FGF17: variants seen among roughly 807,000 people sequenced by gnomAD.
FGF17 encodes fibroblast growth factor 17.
A neutral mutation model predicts 23.5 loss-of-function variants in FGF17; 5 were observed. That is an observed-to-expected ratio of 0.21 (90% confidence interval 0.11 to 0.45). The LOEUF (loss-of-function observed/expected upper bound fraction) is 0.45. Ranked by LOEUF, FGF17 falls within the 20% of genes least tolerant of loss-of-function variation. FGF17 has a pLI of 0.99. For missense variants in FGF17, 221 were observed against 306.9 expected (o/e 0.72, Z 2.09); for synonymous variants, 136 against 123.0 (o/e 1.11, Z -0.70).
At chr8:22,045,811 G>C in intron 2 of FGF17, 1 of 1,307,682 alleles carries the variant, frequency 7.6e-7, no homozygotes, top group Non-Finnish European at 9.8e-7. Context: ...ATACGAGGAC[G>C]GGATAGAACC....
Position 22,042,827 on chromosome 8 carries a change from G to T in FGF17, c.-102G>T, listed in dbSNP as rs1231393851. 1.6e-6 allele frequency: 2 copies of T among 1,256,248 alleles called. No homozygotes were observed. Among genetic ancestry groups the T allele is most frequent in the African/African-American group, 1.5e-5 (1 of 67,550 alleles). The allele number at this position is 1,256,248 out of a possible 1,614,324, so 77.8% of individuals were successfully genotyped here. ...TCGCCCCCCTGAAAACCTGTGGCTC[G>T]GAGAGACCTTGGCTTCTCTGGGACT... On this transcript the variant is annotated 5_prime_UTR_variant, in exon 1 of 5. Coordinates refer to ENST00000359441, the MANE Select transcript of FGF17 (RefSeq NM_003867.4).
At chr8:22,045,983 GC>G in intron 2 of FGF17, 130 bp from the exon 3 acceptor site, 1 of 1,572,464 alleles carries the variant, frequency 6.4e-7, no homozygotes, top group Non-Finnish European at 8.6e-7. Flanking sequence ...ATGGCCATAT[GC>G]CCACTTCACT....
chr8:22,046,331 C>T (rs1179522546), intron 3 of FGF17, 40 bp downstream of exon 3: 9 of 1,593,870 alleles, frequency 5.6e-6, no homozygotes, highest in Non-Finnish European at 7.7e-6. Context: ...CACACCTCCA[C>T]TCTGCCTCAC....
chr8:22,043,270 CAG>C, intron 2 of FGF17, 89 bp downstream of exon 2: 1 of 1,317,240 alleles, frequency 7.6e-7, no homozygotes, highest in Non-Finnish European at 1.1e-6. Context: ...TTCAGGTGGA[CAG>C]AGGCAGAGTC....
chr8:22,044,272 C>T (rs1388530986), intron 2 of FGF17, among the ~76,000 whole-genome samples: 1 of 152,092 alleles, frequency 6.6e-6, no homozygotes, highest in Non-Finnish European at 1.5e-5. Context: ...TGCCCCCTCA[C>T]CCCCCTGGGA....
chr8:22,047,864 C>A, intron 4 of FGF17, 92 bp from the exon 5 acceptor site: 1 of 1,293,546 alleles, frequency 7.7e-7, no homozygotes, highest in Non-Finnish European at 1.1e-6. Context: ...TTCCCGTTGT[C>A]CCTCCTCAGT....
upstream of FGF17, among the ~76,000 whole-genome samples, chr8:22,040,537 G>A (rs1268360002): frequency 6.6e-6 from 1 of 152,228 alleles, no homozygotes; most frequent in Non-Finnish European, 1.5e-5. Flanking sequence ...TAACCCCCTG[G>A]CTAAGCCCCG....
chr8:22,046,357 CCTCCTGGTCCATCCCCAG>C (rs1800867254), intron 3 of FGF17, 66 bp downstream of exon 3: 2 of 1,557,434 alleles, frequency 1.3e-6, no homozygotes, highest in Admixed American at 3.5e-5. Flanking sequence ...CCCTGCCTCA[CCTCCTGGTCCATCCCCAG>C]ATCCTGTGTC....
chr8:22,045,947 G>A (rs1308963375), intron 2 of FGF17, 167 bp from the exon 3 acceptor site: 12 of 1,528,472 alleles, frequency 7.9e-6, no homozygotes, highest in East Asian at 4.9e-5. Flanking sequence ...GGTTATGACC[G>A]GCTCACCCAG....
Position 22,042,896 on chromosome 8 carries a change from A to AG in FGF17, c.-27dup, listed in dbSNP as rs1362051699. 2 of 1,612,406 alleles carry AG rather than the reference A, an allele frequency of 1.2e-6. No individual in the cohort carries two copies. Among genetic ancestry groups the AG allele is most frequent in the East Asian group, 2.2e-5 (1 of 44,838 alleles). The stretch of plus-strand genomic sequence containing the variant: ...CACATCTGCTCCTGAGCTTGGGGGC[A>AG]GGGGGGCAACCGCCTGAGGAACCTC... On this transcript the variant is annotated 5_prime_UTR_variant, in exon 1 of 5. Coordinates refer to ENST00000359441, the MANE Select transcript of FGF17 (RefSeq NM_003867.4).
intron 4 of FGF17, 122 bp downstream of exon 4, chr8:22,046,755 T>G (rs1277143446): frequency 2.9e-6 from 2 of 682,940 alleles, no homozygotes; most frequent in African/African-American, 3.7e-5. Flanking sequence ...CTTCCCATCC[T>G]ACTCTCAGCC....
At chr8:22,041,024 C>T (rs568576509), upstream of FGF17, among the ~76,000 whole-genome samples, 1 of 152,348 alleles carries the variant, frequency 6.6e-6, no homozygotes, top group African/African-American at 2.4e-5. Context: ...CACCAGCTAG[C>T]TGTGAGGCTT....
chr8:22,045,191 TG>T, intron 2 of FGF17: 1 of 985,394 alleles, frequency 1.0e-6, no homozygotes, highest in Non-Finnish European at 1.2e-6. Context: ...GCACAGTGCG[TG>T]GGGGGAAATG....
At chr8:22,043,598 G>C (rs1048240696) in intron 2 of FGF17, among the ~76,000 whole-genome samples, 1 of 152,158 alleles carries the variant, frequency 6.6e-6, no homozygotes, top group African/African-American at 2.4e-5. Flanking sequence ...CCATCAATAT[G>C]GATGCCTGGG....
At chr8:22,042,576 C>A (rs1295636470), upstream of FGF17, 1 of 505,124 alleles carries the variant, frequency 2.0e-6, no homozygotes, top group Non-Finnish European at 3.6e-6. Flanking sequence ...CAGGAGACAG[C>A]AGGGCCACCT....
upstream of FGF17, among the ~76,000 whole-genome samples, chr8:22,040,469 G>A (rs1321108855): frequency 6.6e-6 from 1 of 152,226 alleles, no homozygotes; most frequent in Non-Finnish European, 1.5e-5. Context: ...CAACAGGAAG[G>A]GACAAGGAGC....
At chr8:22,044,820 C>T (rs1375467430) in intron 2 of FGF17, 3 of 985,454 alleles carry the variant, frequency 3.0e-6, no homozygotes, top group Non-Finnish European at 3.6e-6. Context: ...CTCACTCCCC[C>T]TGCCTCAAAG....
At position 22,047,980 on chromosome 8, in the gene FGF17, G is replaced by A; in HGVS notation, c.382G>A (p.Val128Met). 2 of 1,605,390 alleles carry A rather than the reference G, an allele frequency of 1.2e-6. No individual in the cohort carries two copies. Among genetic ancestry groups the A allele is most frequent in the Non-Finnish European group, 1.7e-6 (2 of 1,172,952 alleles). The stretch of plus-strand genomic sequence containing the variant: ...GCCCAGCGGGAAGAGCAAAGACTGC[G>A]TGTTCACGGAGATCGTGCTGGAGAA... ...GKPSGKSKDC[V>M]FTEIVLENNY... The change falls in exon 5 of 5, where the codon GTG (valine) becomes ATG (methionine). Residue 128 changes from valine to methionine, a missense_variant. Val to Met is a conservative substitution (Grantham distance 21, BLOSUM62 1). Around this residue, in one of 3 missense-constraint regions of FGF17, gnomAD observed 128 missense variants for 150.4 expected, o/e 0.85. Transcript: ENST00000359441.
chr8:22,046,704 T>C lies in FGF17; in HGVS notation c.357+71T>C, dbSNP rs1585537968. ...GGTGGGGACATATAGGGCATCATGC[T>C]CCCCTCTCTCCTCTGAGCCACACAC... On this transcript the variant is annotated intron_variant, in intron 4 of 4. Coordinates refer to ENST00000359441, the MANE Select transcript of FGF17 (RefSeq NM_003867.4). The C allele has an allele frequency of 1.1e-5, 11 of 960,534 alleles. No individual in the cohort carries two copies. The East Asian group carries it at 2.7e-4, about 24-fold the overall frequency. 59.5% of individuals were successfully genotyped at this position (960,534 alleles called of 1,614,324 possible). A position where few individuals can be genotyped will look rare whatever the true frequency, so the allele number is the denominator to read the frequency against.
Sources: allele counts gnomAD v4.1 joint callset (sites outside exome capture counted in the v4.1 genomes callset), GRCh38; gene constraint gnomAD v4.1.1; regional missense constraint gnomAD v4.1.1; transcripts MANE v1.5; gene names NCBI Gene and HGNC (gene_info 2026-07-23, HGNC 2026-07-21).